The following MRPS21 variants were observed in gnomAD, a reference collection of about 807,000 sequenced individuals.
The protein encoded by MRPS21 is mitochondrial ribosomal protein S21, also known as small ribosomal subunit protein bS21m.
A neutral mutation model predicts 9.9 loss-of-function variants in MRPS21; 8 were observed. The ratio of observed to expected loss-of-function variants is 0.81; its 90% CI spans 0.47 to 1.45. The LOEUF (loss-of-function observed/expected upper bound fraction) is 1.45, where lower values mean the gene tolerates loss of function less well. MRPS21 is among the 40% of genes most tolerant of loss of function. The pLI is 0.00. For missense variants in MRPS21, 101 were observed against 118.9 expected (o/e 0.85, Z 0.70); for synonymous variants, 40 against 40.3 (o/e 0.99, Z 0.03).
intron 2 of MRPS21, among the ~76,000 whole-genome samples, chr1:150,299,037 G>A (rs894580683): frequency 9.2e-5 from 14 of 152,176 alleles, no homozygotes; most frequent in Admixed American, 5.9e-4. Context: ...CCAACATGGC[G>A]AAACCCCGTC....
chr1:150,297,013 C>G (rs1358156595), intron 2 of MRPS21, among the ~76,000 whole-genome samples: 7 of 152,110 alleles, frequency 4.6e-5, no homozygotes, highest in Non-Finnish European at 8.8e-5. Flanking sequence ...TGCTGTCAGC[C>G]GGGCGCGGTG....
intron 2 of MRPS21, among the ~76,000 whole-genome samples, chr1:150,302,291 C>T (rs1386273787): frequency 6.6e-6 from 1 of 152,142 alleles, no homozygotes; most frequent in Non-Finnish European, 1.5e-5. Context: ...AGTGAGGCCA[C>T]CACAAAATGC....
chr1:150,299,436 TTTCTG>T (rs1190111343), intron 2 of MRPS21, among the ~76,000 whole-genome samples: 56 of 151,104 alleles, frequency 3.7e-4, no homozygotes, highest in African/African-American at 8.1e-4. Flanking sequence ...CCTGTTTTTT[TTTCTG>T]TTTTTTGTTT....
At chr1:150,303,495 C>A (rs1654218579) in intron 2 of MRPS21, among the ~76,000 whole-genome samples, 1 of 152,146 alleles carries the variant, frequency 6.6e-6, no homozygotes. Context: ...TAGCCCAGCT[C>A]TTCACTCCCT....
intron 2 of MRPS21, among the ~76,000 whole-genome samples, chr1:150,302,024 G>A (rs1017428284): frequency 1.3e-5 from 2 of 152,116 alleles, no homozygotes; most frequent in African/African-American, 4.8e-5. Context: ...GCACTTTTCT[G>A]TTTCTTCTTT....
At chr1:150,306,650 C>T (rs1166293067) in intron 2 of MRPS21, among the ~76,000 whole-genome samples, 7 of 152,136 alleles carry the variant, frequency 4.6e-5, no homozygotes, top group Admixed American at 4.6e-4. Context: ...CATACACCAC[C>T]ATGCCCGGCT....
chr1:150,294,715 A>G (rs1653849241), intron 2 of MRPS21, among the ~76,000 whole-genome samples: 1 of 151,884 alleles, frequency 6.6e-6, no homozygotes, highest in Non-Finnish European at 1.5e-5. Flanking sequence ...CCTGGCCAAC[A>G]TGGTGAAACC....
At chr1:150,307,651 A>G (rs587694516) in intron 2 of MRPS21, among the ~76,000 whole-genome samples, 2 of 152,012 alleles carry the variant, frequency 1.3e-5, no homozygotes, top group South Asian at 4.2e-4. Flanking sequence ...AACACAGCAC[A>G]CTGCAGCCTC....
intron 2 of MRPS21, among the ~76,000 whole-genome samples, chr1:150,300,910 A>T (rs1337434661): frequency 1.3e-5 from 2 of 152,162 alleles, no homozygotes; most frequent in African/African-American, 4.8e-5. Flanking sequence ...TTAGAAAAAT[A>T]AATTTGGCCA....
intron 2 of MRPS21, among the ~76,000 whole-genome samples, chr1:150,298,761 C>T (rs1553857061): frequency 2.6e-5 from 4 of 152,134 alleles, no homozygotes; most frequent in Admixed American, 6.5e-5. Context: ...GCCACTACCC[C>T]GGCTAATTTT....
At chr1:150,304,182 G>A (rs1326697087) in intron 2 of MRPS21, 6 of 370,552 alleles carry the variant, frequency 1.6e-5, no homozygotes, top group Non-Finnish European at 2.2e-5. Context: ...GTGGTGGTAC[G>A]CCCCTGTAAT....
chr1:150,304,983 G>T (rs1553858319), intron 2 of MRPS21: 1 of 370,184 alleles, frequency 2.7e-6, no homozygotes, highest in Admixed American at 3.8e-5. Flanking sequence ...AGGTTGCAGT[G>T]AGCCAAGATT....
Position 150,308,238 on chromosome 1 carries a change from G to T in MRPS21, c.*10G>T. On this transcript the variant is annotated 3_prime_UTR_variant, in exon 3 of 3. Coordinates refer to ENST00000614145, the MANE Select transcript of MRPS21 (RefSeq NM_031901.6). ...GTGGCAGGGCTGCTGAGGCCTGTGG[G>T]TGGGACACCCAGTGCGAAACCCTCA... The T allele has an allele frequency of 5.1e-6, 8 of 1,581,268 alleles. No homozygotes were observed. Among genetic ancestry groups the T allele is most frequent in the Non-Finnish European group, 6.9e-6 (8 of 1,153,286 alleles).
chr1:150,300,701 T>G (rs150449019), intron 2 of MRPS21, among the ~76,000 whole-genome samples: 83 of 152,308 alleles, frequency 5.4e-4, no homozygotes, highest in African/African-American at 1.9e-3. Flanking sequence ...AATTGGTGCC[T>G]CCAGGCAGAT....
At position 150,308,036 on chromosome 1, in the gene MRPS21, G is replaced by A. The variant is rs781801410; in HGVS notation, c.84-12G>A. The A allele has an allele frequency of 6.4e-7, 1 of 1,554,148 alleles. No homozygotes were observed. The highest frequency in any genetic ancestry group is 1.4e-5 in the African/African-American group (1 of 73,842). On this transcript the variant is annotated splice_polypyrimidine_tract_variant and intron_variant, in intron 2 of 2. Coordinates refer to ENST00000614145, the MANE Select transcript of MRPS21 (RefSeq NM_031901.6). ...TCCCAAATGTCTAACCTCATTGCTT[G>A]CCTTTATACAGAATCCTCACTATGG...
chr1:150,303,902 T>G (rs1654229209), intron 2 of MRPS21: 3 of 456,092 alleles, frequency 6.6e-6, no homozygotes, highest in South Asian at 1.5e-5. Context: ...ATTTCCTAGT[T>G]GTTCTTTGCC....
chr1:150,296,934 G>T (rs1653932420), intron 2 of MRPS21, among the ~76,000 whole-genome samples: 1 of 152,170 alleles, frequency 6.6e-6, no homozygotes, highest in Non-Finnish European at 1.5e-5. Flanking sequence ...AGGGAACCTA[G>T]TTCTTAGCAA....
At chr1:150,303,206 G>A (rs587643652) in intron 2 of MRPS21, among the ~76,000 whole-genome samples, 3 of 152,128 alleles carry the variant, frequency 2.0e-5, no homozygotes, top group South Asian at 2.1e-4. Context: ...CAATAGGTTC[G>A]TCTTCCTAGG....
intron 2 of MRPS21, among the ~76,000 whole-genome samples, chr1:150,295,351 C>T (rs1653877598): frequency 6.6e-6 from 1 of 152,148 alleles, no homozygotes; most frequent in African/African-American, 2.4e-5. Context: ...ATCCTCCTGC[C>T]TCAGTCTCCT....
Sources: allele counts gnomAD v4.1 joint callset (sites outside exome capture counted in the v4.1 genomes callset), GRCh38; gene constraint gnomAD v4.1.1; transcripts MANE v1.5; gene names NCBI Gene and HGNC (gene_info 2026-07-23, HGNC 2026-07-21).